The following SPATA9 variants were observed in gnomAD, a reference collection of about 807,000 sequenced individuals.
SPATA9 encodes spermatogenesis-associated protein 9.
A neutral mutation model predicts 25.5 loss-of-function variants in SPATA9; 27 were observed. The observed-to-expected ratio is 1.06, with a 90% CI of 0.78 to 1.46. The LOEUF is 1.46. SPATA9 is among the 40% of genes most tolerant of loss of function. The pLI is 0.00. For missense variants in SPATA9, 282 were observed against 297.5 expected, an observed-to-expected ratio of 0.95 and a Z score of 0.38; for synonymous variants, 102 against 105.7, an observed-to-expected ratio of 0.97 and a Z score of 0.21.
chr5:95,653,038 A>T, exon 9 of SPATA9: 2 of 1,532,140 alleles, frequency 1.3e-6, no homozygotes, highest in South Asian at 2.5e-5. Context: ...CCAATCTTGC[A>T]TATTATGTTC....
intron 1 of SPATA9, among the ~76,000 whole-genome samples, chr5:95,698,248 G>T (rs758896467): frequency 6.6e-6 from 1 of 152,208 alleles, no homozygotes; most frequent in Non-Finnish European, 1.5e-5. Flanking sequence ...AGGAGGAAAC[G>T]TGGGAGAGGA....
the SPATA9 span, among the ~76,000 whole-genome samples, chr5:95,711,259 T>G: frequency 6.6e-6 from 1 of 152,162 alleles, no homozygotes; most frequent in Non-Finnish European, 1.5e-5. Flanking sequence ...TCCGGTCTAT[T>G]GGCTGATGCA....
At chr5:95,705,503 T>G in the SPATA9 span, among the ~76,000 whole-genome samples, 2 of 152,110 alleles carry the variant, frequency 1.3e-5, no homozygotes, top group African/African-American at 4.8e-5. Context: ...ATTTTCAACT[T>G]TTTCAGTTTT....
chr5:95,706,094 T>A, the SPATA9 span, among the ~76,000 whole-genome samples: 1 of 152,112 alleles, frequency 6.6e-6, no homozygotes, highest in Non-Finnish European at 1.5e-5. Context: ...GTCCCAGACC[T>A]TTTTTTAGAC....
At chr5:95,719,666 T>G in the SPATA9 span, 2 of 152,220 alleles carry the variant, frequency 1.3e-5, no homozygotes, top group African/African-American at 2.4e-5. Flanking sequence ...TTATAAGATT[T>G]CTTTGAACCA....
downstream of SPATA9, chr5:95,654,001 T>A: frequency 6.9e-7 from 1 of 1,458,786 alleles, no homozygotes; most frequent in Non-Finnish European, 9.4e-7. Context: ...GTTATCTCCA[T>A]TAAGCTGGAA....
chr5:95,664,223 G>A (rs1003231402), intron 3 of SPATA9, among the ~76,000 whole-genome samples, 175 bp from the exon 4 acceptor site: 1 of 152,108 alleles, frequency 6.6e-6, no homozygotes, highest in Non-Finnish European at 1.5e-5. Flanking sequence ...TTAACAAGAA[G>A]ACAGTTTCTT....
chr5:95,682,887 C>T lies in SPATA9; in HGVS notation c.-33G>A, dbSNP rs372354199. On this transcript the variant is annotated 5_prime_UTR_variant, in exon 1 of 5. Coordinates refer to ENST00000274432, the MANE Select transcript of SPATA9 (RefSeq NM_031952.4). Reference sequence around the variant, plus strand: ...TCTTGCTTGGGTTCCTAGTCCTTAACAAGCTTGCAGGCCTGGGTAATGCTT... The same window carrying T: ...TCTTGCTTGGGTTCCTAGTCCTTAATAAGCTTGCAGGCCTGGGTAATGCTT... 2 of 1,492,200 alleles carry T rather than the reference C, an allele frequency of 1.3e-6. No individual in the cohort carries two copies. Among genetic ancestry groups the T allele is most frequent in the South Asian group, 3.0e-5 (2 of 66,474 alleles). 92.4% of individuals were successfully genotyped at this position (1,492,200 alleles called of 1,614,324 possible). A position where few individuals can be genotyped will look rare whatever the true frequency, so the allele number is the denominator to read the frequency against.
chr5:95,678,355 C>T (rs767769567), intron 2 of SPATA9, among the ~76,000 whole-genome samples: 9 of 152,012 alleles, frequency 5.9e-5, no homozygotes, highest in Admixed American at 3.9e-4. Context: ...TCATCCTGGG[C>T]GACAGAGCGA....
Position 95,682,951 on chromosome 5 carries a change from C to CCAAGCAAGGA in SPATA9, c.-98_-97insTCCTTGCTTG. Reference sequence around the variant, plus strand: ...ATTAGTGAAAGATGAGGGTAGCCTTCCACTTGGGAAAGCCAGCAAGGACAG... The same window carrying CCAAGCAAGGA: ...ATTAGTGAAAGATGAGGGTAGCCTTCCAAGCAAGGACACTTGGGAAAGCCAGCAAGGACAG... On this transcript the variant is annotated 5_prime_UTR_variant, in exon 1 of 5. Coordinates refer to ENST00000274432, the MANE Select transcript of SPATA9 (RefSeq NM_031952.4). The CCAAGCAAGGA allele has an allele frequency of 7.2e-7, 1 of 1,393,700 alleles. No homozygotes were observed. Among genetic ancestry groups the CCAAGCAAGGA allele is most frequent in the East Asian group, 2.5e-5 (1 of 39,222 alleles). The allele number at this position is 1,393,700 out of a possible 1,614,324, so 86.3% of individuals were successfully genotyped here. A position where few individuals can be genotyped will look rare whatever the true frequency, so the allele number is the denominator to read the frequency against.
intron 1 of SPATA9, among the ~76,000 whole-genome samples, chr5:95,693,686 C>T (rs1013081203): frequency 5.9e-5 from 9 of 152,090 alleles, no homozygotes; most frequent in African/African-American, 2.2e-4. Context: ...ATTAAATATT[C>T]CCCTGATTAA....
chr5:95,680,185 A>C (rs1057256968), intron 2 of SPATA9, among the ~76,000 whole-genome samples: 1 of 152,228 alleles, frequency 6.6e-6, no homozygotes, highest in Admixed American at 6.5e-5. Flanking sequence ...GGCCTGAGCC[A>C]CCGCGCCTGG....
intron 3 of SPATA9, among the ~76,000 whole-genome samples, chr5:95,665,748 G>T (rs919412013): frequency 6.6e-6 from 1 of 152,214 alleles, no homozygotes; most frequent in African/African-American, 2.4e-5. Flanking sequence ...ACCAAGGCAG[G>T]TGGATCACCT....
At chr5:95,652,192 TGA>T (rs1750377500), downstream of SPATA9, 4 of 1,475,034 alleles carry the variant, frequency 2.7e-6, no homozygotes, top group African/African-American at 4.2e-5. Context: ...AAGCTGTGAA[TGA>T]ATTTCATTTG....
At chr5:95,700,941 G>A (rs1225311100), upstream of SPATA9, among the ~76,000 whole-genome samples, 1 of 152,004 alleles carries the variant, frequency 6.6e-6, no homozygotes. Flanking sequence ...CAGTTACTTA[G>A]ATGAGGTGAA....
chr5:95,731,614 C>T, the SPATA9 span: 3 of 1,602,914 alleles, frequency 1.9e-6, no homozygotes, highest in Admixed American at 1.7e-5. Flanking sequence ...ACTCGCCGCC[C>T]GGGGGCCCCG....
the SPATA9 span, among the ~76,000 whole-genome samples, chr5:95,710,268 TC>T: frequency 6.6e-6 from 1 of 152,152 alleles, no homozygotes; most frequent in Non-Finnish European, 1.5e-5. Context: ...TTCTAACAGT[TC>T]CTGACAGTCA....
At chr5:95,652,220 G>T (rs1297938245), downstream of SPATA9, 3 of 1,523,140 alleles carry the variant, frequency 2.0e-6, no homozygotes, top group South Asian at 1.3e-5. Context: ...CAATAGATTG[G>T]ACACTCTACT....
chr5:95,683,217 C>A (rs1753603544), upstream of SPATA9, among the ~76,000 whole-genome samples: 1 of 151,792 alleles, frequency 6.6e-6, no homozygotes. Context: ...ACAAAAGGTC[C>A]CTTTGAAAAA....
Sources: gnomAD v4.1 joint callset for allele counts (sites outside exome capture counted in the v4.1 genomes callset) on GRCh38, gnomAD v4.1.1 for gene constraint, MANE v1.5 for transcripts, NCBI Gene and HGNC (gene_info 2026-07-23, HGNC 2026-07-21) for gene names.